The following NOTCH3 variants were observed in gnomAD, a reference collection of about 807,000 sequenced individuals.
NOTCH3 encodes notch receptor 3, also known as neurogenic locus notch homolog protein 3.
In NOTCH3, 86 loss-of-function variants were observed where a neutral mutation model predicts 213.3. The ratio of observed to expected loss-of-function variants is 0.40; its 90% CI spans 0.34 to 0.48. NOTCH3 has a LOEUF of 0.48. NOTCH3 is among the 20% of genes least tolerant of loss of function. The pLI is 0.57. For missense variants in NOTCH3, 2,783 were observed against 3,272.6 expected (o/e 0.85, Z 3.65); for synonymous variants, 1,354 against 1,355.9 (o/e 1.00, Z 0.03).
chr19:15,167,463 G>T, intron 28 of NOTCH3, 52 bp from the exon 29 acceptor site: 1 of 1,572,560 alleles, frequency 6.4e-7, no homozygotes, highest in Non-Finnish European at 8.6e-7. Context: ...GTGCTGGGGA[G>T]AGCCACTGCC....
intron 25 of NOTCH3, among the ~76,000 whole-genome samples, chr19:15,173,421 C>A (rs868315858): frequency 4.5e-3 from 311 of 68,744 alleles, no homozygotes; most frequent in Middle Eastern, 0.024. Flanking sequence ...GACTCCGTCT[C>A]AAAAAAAAAA....
chr19:15,170,175 C>A lies in NOTCH3; in HGVS notation c.5115-5G>T, dbSNP rs755974834. The A allele has an allele frequency of 2.5e-6, 4 of 1,597,764 alleles. No individual in the cohort carries two copies. The highest frequency in any genetic ancestry group is 2.2e-5 in the East Asian group (1 of 44,488). ...CTCTCACCCTTGGCCATGTTCCTGG[C>A]GGACAATGGGAAGAGGGGATGTGAG... On this transcript the variant is annotated splice_polypyrimidine_tract_variant and splice_region_variant and intron_variant, in intron 27 of 32. Coordinates refer to ENST00000263388, the MANE Select transcript of NOTCH3 (RefSeq NM_000435.3).
chr19:15,199,400 C>T (rs1480964994), intron 1 of NOTCH3, among the ~76,000 whole-genome samples: 1 of 152,158 alleles, frequency 6.6e-6, no homozygotes, highest in East Asian at 1.9e-4. Context: ...CCTGTGTGTG[C>T]ACCGCTGTGT....
chr19:15,167,630 T>G (rs1406418826), intron 28 of NOTCH3, among the ~76,000 whole-genome samples: 1 of 152,206 alleles, frequency 6.6e-6, no homozygotes, highest in East Asian at 1.9e-4. Context: ...CTCAGCTCAC[T>G]GCAACCCCCG....
Position 15,191,461 on chromosome 19 carries a change from C to T in NOTCH3, c.999G>A (p.Val333=). ...TGGGGCAGGCACAGTAGAAAGAAGCCACGCGGTCATGGCAGGTGGCCCCAT... is the reference window on the plus strand; with the variant it reads ...TGGGGCAGGCACAGTAGAAAGAAGCTACGCGGTCATGGCAGGTGGCCCCAT... ...CFHGATCHDR[V]ASFYCACPMG... is the part of the protein sequence containing the mutation. The change falls in exon 6 of 33, where the codon GTG becomes GTA. Residue 333 remains valine, a synonymous_variant. Transcript: ENST00000263388. 6.2e-7 allele frequency: 1 copy of T among 1,613,498 alleles called. No individual in the cohort carries two copies. The highest frequency in any genetic ancestry group is 1.1e-5 in the South Asian group (1 of 91,084).
chr19:15,200,790 G>A lies in NOTCH3; in HGVS notation c.116C>T (p.Ala39Val). The change falls in exon 1 of 33, where the codon GCA becomes GTA. Residue 39 changes from alanine to valine, a missense_variant and splice_region_variant. Ala to Val is a moderately conservative substitution (Grantham distance 64). Coordinates refer to ENST00000263388, the MANE Select transcript of NOTCH3 (RefSeq NM_000435.3). ...TCCGCCAGGTCCCGGCCCCTCACCT[G>A]CAGCCCCCGGCCCCGCTAGCAGCAG... is the stretch of plus-strand genomic sequence containing the variant. ...LLLLLAGPGA[A>V]APPCLDGSPC... 7.8e-7 allele frequency: 1 copy of A among 1,281,932 alleles called. No individual in the cohort carries two copies. Among genetic ancestry groups the A allele is most frequent in the South Asian group, 2.7e-5 (1 of 36,884 alleles). The allele number at this position is 1,281,932 out of a possible 1,614,324, so 79.4% of individuals were successfully genotyped here. A position where few individuals can be genotyped will look rare whatever the true frequency, so the allele number is the denominator to read the frequency against.
intron 2 of NOTCH3, among the ~76,000 whole-genome samples, chr19:15,197,259 TAA>T (rs2145450588): frequency 6.6e-6 from 1 of 152,202 alleles, no homozygotes; most frequent in South Asian, 2.1e-4. Flanking sequence ...CACTGAGATG[TAA>T]AGAGTTTAAT....
rs2046644792 is a variant in NOTCH3, at chr19:15,161,628, G to A, written c.6000C>T (p.Ile2000=). 1.2e-6 allele frequency: 2 copies of A among 1,613,534 alleles called. No homozygotes were observed. Among genetic ancestry groups the A allele is most frequent in the East Asian group, 2.2e-5 (1 of 44,882 alleles). ...GCGGCAGCCTGTCCAGGTGGTCGGT[G>A]ATCTCACGGTTGGCAAAGTGGTCCA... ...LLLDHFANRE[I]TDHLDRLPRD... The change falls in exon 33 of 33, where the codon ATC becomes ATT. Residue 2000 remains isoleucine, a synonymous_variant. Coordinates refer to ENST00000263388, the MANE Select transcript of NOTCH3 (RefSeq NM_000435.3).
At position 15,170,483 on chromosome 19, in the gene NOTCH3, C is replaced by T; in HGVS notation, c.4962G>A (p.Leu1654=). 2 of 1,606,070 alleles carry T rather than the reference C, an allele frequency of 1.2e-6. No homozygotes were observed. The highest frequency in any genetic ancestry group is 3.3e-5 in the Admixed American group (2 of 60,012). ...TGACACCCAGGACGAGAATGACCAGCAGCAAGACAGCGCCCGCCACTAGCA... is the reference window on the plus strand; with the variant it reads ...TGACACCCAGGACGAGAATGACCAGTAGCAAGACAGCGCCCGCCACTAGCA... ...LPLLVAGAVL[L]LVILVLGVMV... Residue 1654 remains leucine, a synonymous_variant, in exon 27 of 33, where the codon CTG becomes CTA. Transcript: ENST00000263388.
chr19:15,197,441 G>GGGGGCC, intron 2 of NOTCH3, 59 bp downstream of exon 2: 2 of 768,364 alleles, frequency 2.6e-6, no homozygotes, highest in Non-Finnish European at 2.3e-6. Flanking sequence ...AAGACAAATC[G>GGGGGCC]CCCCTCCCCC....
rs1232235515 is a variant in NOTCH3 at position 15,178,048 on chromosome 19, G to A, written c.3880C>T (p.Arg1294Trp). ...PRCERVARSC[R>W]ELQCPVGVPC... ...ACGCCCACCGGGCACTGCAGCTCCC[G>A]GCAGGAGCGCGCCACCCGCTCGCAA... Residue 1294 changes from arginine to tryptophan, a missense_variant, in exon 24 of 33, where the codon CGG (arginine) becomes TGG (tryptophan). Arg to Trp is a moderately radical substitution (Grantham distance 101). This residue lies in a region of NOTCH3 where 861 missense variants were observed against 909.1 expected (regional missense o/e 0.95). Transcript: ENST00000263388. The A allele has an allele frequency of 2.0e-6, 3 of 1,519,416 alleles. No individual in the cohort carries two copies. Among genetic ancestry groups the A allele is most frequent in the Non-Finnish European group, 1.8e-6 (2 of 1,139,386 alleles). 94.1% of individuals were successfully genotyped at this position (1,519,416 alleles called of 1,614,324 possible).
At position 15,174,135 on chromosome 19, in the gene NOTCH3, G is replaced by A; in HGVS notation, c.4669C>T (p.Pro1557Ser). The change falls in exon 25 of 33, where the codon CCT (proline) becomes TCT (serine). Residue 1557 changes from proline to serine, a missense_variant. By Grantham distance (74) the Pro-to-Ser change is moderately conservative. This residue lies in a region of NOTCH3 where 636 missense variants were observed against 801.8 expected (regional missense o/e 0.79). Coordinates refer to ENST00000263388, the MANE Select transcript of NOTCH3 (RefSeq NM_000435.3). Reference sequence around the variant, plus strand: ...GAGCCAGGACTAGGCCGGTGGTAAGGGAAGACCATGGCCTGGCCGTGCGCG... The same window carrying A: ...GAGCCAGGACTAGGCCGGTGGTAAGAGAAGACCATGGCCTGGCCGTGCGCG... ...LDAHGQAMVFPYHRPSPGSEP... is the reference protein window; with the variant it reads ...LDAHGQAMVFSYHRPSPGSEP... 1.2e-6 allele frequency: 2 copies of A among 1,607,470 alleles called. No homozygotes were observed. Among genetic ancestry groups the A allele is most frequent in the East Asian group, 4.5e-5 (2 of 44,772 alleles).
At chr19:15,198,128 C>T (rs945249751) in intron 1 of NOTCH3, among the ~76,000 whole-genome samples, 7 of 152,132 alleles carry the variant, frequency 4.6e-5, no homozygotes, top group African/African-American at 1.2e-4. Context: ...CAGCGCTGGG[C>T]GTTGCTGGAA....
intron 1 of NOTCH3, among the ~76,000 whole-genome samples, chr19:15,199,144 T>C (rs2046991690): frequency 6.6e-6 from 1 of 152,216 alleles, no homozygotes; most frequent in Non-Finnish European, 1.5e-5. Flanking sequence ...GTGAGCCACA[T>C]GTGTGTGCGT....
chr19:15,167,507 T>C (rs982795478), intron 28 of NOTCH3, 96 bp from the exon 29 acceptor site: 2 of 1,115,278 alleles, frequency 1.8e-6, no homozygotes, highest in South Asian at 2.6e-5. Context: ...CAGGTTTCTC[T>C]TTAGGAGATA....
intron 2 of NOTCH3, among the ~76,000 whole-genome samples, chr19:15,196,614 G>A (rs1288209492): frequency 6.6e-6 from 1 of 152,164 alleles, no homozygotes; most frequent in East Asian, 1.9e-4. Flanking sequence ...AGCATGAAAG[G>A]AGCCAAGCAT....
At chr19:15,187,040 G>C in intron 11 of NOTCH3, 52 bp from the exon 12 acceptor site, 2 of 1,606,300 alleles carry the variant, frequency 1.2e-6, no homozygotes, top group Non-Finnish European at 1.7e-6. Flanking sequence ...CCCACTAGAT[G>C]CACCATTCCC....
intron 31 of NOTCH3, among the ~76,000 whole-genome samples, chr19:15,163,084 TGATAGA>T (rs2046659394): frequency 6.6e-6 from 1 of 152,106 alleles, no homozygotes; most frequent in Admixed American, 6.5e-5. Context: ...TTTGTATTTT[TGATAGA>T]GATAGAGTTC....
intron 6 of NOTCH3, among the ~76,000 whole-genome samples, chr19:15,191,030 C>CT (rs1211311626): frequency 5.3e-4 from 78 of 148,544 alleles, no homozygotes; most frequent in Middle Eastern, 7.1e-3. Flanking sequence ...CTAGCATAAT[C>CT]TTTTTTTTAT....
Sources: allele counts gnomAD v4.1 joint callset (sites outside exome capture counted in the v4.1 genomes callset), GRCh38; gene constraint gnomAD v4.1.1; regional missense constraint gnomAD v4.1.1; transcripts MANE v1.5; gene names NCBI Gene and HGNC (gene_info 2026-07-23, HGNC 2026-07-21).